Variants in ITSN1 observed in about 807,000 individuals in gnomAD.
The protein encoded by ITSN1 is intersectin-1.
In ITSN1, 58 loss-of-function variants were observed where a neutral mutation model predicts 239.8. That is an observed-to-expected ratio of 0.24 (90% CI 0.20 to 0.30). ITSN1 has a LOEUF of 0.30. Ranked by LOEUF, ITSN1 falls within the 10% of genes least tolerant of loss-of-function variation. ITSN1 has a pLI of 1.00. For missense variants in ITSN1, 1,558 were observed against 2,103.3 expected (o/e 0.74, Z 5.07); for synonymous variants, 780 against 770.8 (o/e 1.01, Z -0.20).
chr21:33,685,345 T>G (rs1232598229), intron 1 of ITSN1, among the ~76,000 whole-genome samples: 1 of 152,162 alleles, frequency 6.6e-6, no homozygotes, highest in Admixed American at 6.5e-5. Context: ...TGTTTGGAAA[T>G]TCCTGTAGCA....
At chr21:33,704,000 A>C (rs1199380098) in intron 1 of ITSN1, among the ~76,000 whole-genome samples, 1 of 152,150 alleles carries the variant, frequency 6.6e-6, no homozygotes, top group African/African-American at 2.4e-5. Flanking sequence ...CCTCAGAGAG[A>C]AGAATGCCTT....
At chr21:33,834,522 T>C in intron 28 of ITSN1, 98 bp downstream of exon 28, 2 of 879,630 alleles carry the variant, frequency 2.3e-6, no homozygotes, top group Non-Finnish European at 3.7e-6. Flanking sequence ...GTTTTTCACA[T>C]GTGCTTTAAA....
At chr21:33,673,895 ATCAAACT>A (rs1260366221) in intron 1 of ITSN1, among the ~76,000 whole-genome samples, 1 of 152,248 alleles carries the variant, frequency 6.6e-6, no homozygotes, top group African/African-American at 2.4e-5. Flanking sequence ...TAATTATTAC[ATCAAACT>A]TCTGTACATC....
intron 8 of ITSN1, chr21:33,757,058 A>C (rs1011501061): frequency 6.6e-6 from 1 of 152,098 alleles, no homozygotes; most frequent in African/African-American, 2.4e-5. Context: ...GAGCCACCAC[A>C]CCCGGCCCAC....
chr21:33,880,355 C>A (rs1213112177), intron 34 of ITSN1, among the ~76,000 whole-genome samples: 1 of 152,142 alleles, frequency 6.6e-6, no homozygotes, highest in Non-Finnish European at 1.5e-5. Flanking sequence ...TGACACTTGC[C>A]TTCTCTGGAT....
At chr21:33,840,085 A>G (rs970924443) in intron 29 of ITSN1, among the ~76,000 whole-genome samples, 2 of 152,154 alleles carry the variant, frequency 1.3e-5, no homozygotes, top group African/African-American at 4.8e-5. Flanking sequence ...ACCTAAGCTC[A>G]TGTCGTGTAT....
At chr21:33,777,248 A>T (rs2087494950) in intron 14 of ITSN1, among the ~76,000 whole-genome samples, 1 of 152,106 alleles carries the variant, frequency 6.6e-6, no homozygotes, top group Non-Finnish European at 1.5e-5. Context: ...CCATTGAGTT[A>T]CCTTGGTAGC....
chr21:33,897,956 G>C lies in ITSN1; in HGVS notation c.*9656G>C, dbSNP rs1305371165. On this transcript the variant is annotated 3_prime_UTR_variant, in exon 40 of 40. Transcript: ENST00000381318. Reference sequence around the variant, plus strand: ...GATAAATTTCAGTGTAATGGATGGTGGCGTGATCAAATGAAAAGTATCCTG... The same window carrying C: ...GATAAATTTCAGTGTAATGGATGGTCGCGTGATCAAATGAAAAGTATCCTG... The C allele has an allele frequency of 6.6e-6, 1 of 152,088 alleles. No homozygotes were observed. Among genetic ancestry groups the C allele is most frequent in the East Asian group, 1.9e-4 (1 of 5,198 alleles). The allele number at this position is 152,088 out of a possible 1,614,324, so 9.4% of individuals were successfully genotyped here.
At chr21:33,800,302 T>G (rs1204872205) in intron 19 of ITSN1, among the ~76,000 whole-genome samples, 1 of 151,800 alleles carries the variant, frequency 6.6e-6, no homozygotes, top group African/African-American at 2.4e-5. Flanking sequence ...TGCGTGTGTA[T>G]ATATATGTGT....
chr21:33,762,876 C>G (rs1340867594), intron 9 of ITSN1, among the ~76,000 whole-genome samples: 4 of 152,040 alleles, frequency 2.6e-5, no homozygotes, highest in African/African-American at 9.7e-5. Flanking sequence ...GTTGGCCAGG[C>G]TGGTCTCGAG....
At chr21:33,684,890 CAAAG>C (rs1436678416) in intron 1 of ITSN1, among the ~76,000 whole-genome samples, 3 of 152,234 alleles carry the variant, frequency 2.0e-5, no homozygotes, top group Middle Eastern at 6.8e-3. Flanking sequence ...AAGTAACTCT[CAAAG>C]AAATAGTCAA....
chr21:33,715,102 C>A lies in ITSN1; in HGVS notation c.-32-3695C>A, dbSNP rs1026817085. ...GTAAATAATCTTTACTAAAATACAA[C>A]AACAAACCAACCTATTAAAATATGA... is the stretch of plus-strand genomic sequence containing the variant. On this transcript the variant is annotated intron_variant, in intron 1 of 39. Coordinates refer to ENST00000381318, the MANE Select transcript of ITSN1 (RefSeq NM_003024.3). Among the ~76,000 whole-genome samples, 3 of 152,172 alleles carry A rather than the reference C, an allele frequency of 2.0e-5. No homozygotes were observed. The East Asian group carries it at 5.8e-4, about 29-fold the overall frequency.
intron 14 of ITSN1, among the ~76,000 whole-genome samples, chr21:33,779,403 A>T (rs2069961779): frequency 3.3e-5 from 5 of 152,132 alleles, no homozygotes; most frequent in Admixed American, 2.6e-4. Context: ...AATCTTTTTT[A>T]AATTTTCTTT....
At chr21:33,734,708 T>C (rs1052725731) in intron 4 of ITSN1, among the ~76,000 whole-genome samples, 1 of 152,360 alleles carries the variant, frequency 6.6e-6, no homozygotes, top group South Asian at 2.1e-4. Flanking sequence ...GGTTTTAGTT[T>C]ATTCACAGAG....
intron 12 of ITSN1, 93 bp downstream of exon 12, chr21:33,772,416 T>C: frequency 7.0e-7 from 1 of 1,437,812 alleles, no homozygotes; most frequent in Non-Finnish European, 9.3e-7. Context: ...TCTTTGTCTT[T>C]TTACAATTCA....
Position 33,830,167 on chromosome 21 carries a change from C to T in ITSN1, c.3351+422C>T, listed in dbSNP as rs567815425. Among the ~76,000 whole-genome samples, 30 of 152,206 alleles carry T rather than the reference C, an allele frequency of 2.0e-4. 1 individual carries two copies. The highest frequency in any genetic ancestry group is 5.3e-4 in the African/African-American group (22 of 41,534). On this transcript the variant is annotated intron_variant, in intron 27 of 39. Coordinates refer to ENST00000381318, the MANE Select transcript of ITSN1 (RefSeq NM_003024.3). ...TATTTTTAGTTCCCGTGTGTGTGCG[C>T]GCACGTGTGTGTGTGTGTATTGTTA...
At chr21:33,768,027 A>G (rs576846041) in intron 11 of ITSN1, among the ~76,000 whole-genome samples, 199 bp downstream of exon 11, 13 of 152,290 alleles carry the variant, frequency 8.5e-5, no homozygotes, top group Non-Finnish European at 1.5e-4. Context: ...AACATTATGC[A>G]CTCTGCTAAT....
intron 5 of ITSN1, among the ~76,000 whole-genome samples, chr21:33,741,962 C>T (rs866303721): frequency 1.0e-4 from 15 of 149,608 alleles, no homozygotes; most frequent in Admixed American, 2.0e-4. Flanking sequence ...ATGCTGCTTG[C>T]GAGTCAACAA....
chr21:33,830,171 CGT>C (rs150326367), intron 27 of ITSN1, among the ~76,000 whole-genome samples: 7 of 151,866 alleles, frequency 4.6e-5, no homozygotes, highest in South Asian at 2.1e-4. Flanking sequence ...TGTGCGCGCA[CGT>C]GTGTGTGTGT....
Sources: allele counts gnomAD v4.1 joint callset (sites outside exome capture counted in the v4.1 genomes callset), GRCh38; gene constraint gnomAD v4.1.1; transcripts MANE v1.5; gene names NCBI Gene and HGNC (gene_info 2026-07-23, HGNC 2026-07-21).